The following LNX1 variants were observed in gnomAD, a reference collection of about 807,000 sequenced individuals.
The protein encoded by LNX1 is E3 ubiquitin-protein ligase LNX.
A neutral mutation model predicts 68.4 loss-of-function variants in LNX1; 54 were observed. The observed-to-expected ratio is 0.79, with a 90% CI of 0.63 to 0.99. LNX1 has a LOEUF of 0.99. Ranked by LOEUF, LNX1 falls within the 50% of genes least tolerant of loss-of-function variation. The pLI, the probability that LNX1 is intolerant of heterozygous loss-of-function variation, is 0.00. For missense variants in LNX1, 906 were observed against 926.4 expected, an observed-to-expected ratio of 0.98 and a Z score of 0.29; for synonymous variants, 336 against 350.0, an observed-to-expected ratio of 0.96 and a Z score of 0.45.
upstream of LNX1, among the ~76,000 whole-genome samples, chr4:53,595,206 G>A (rs528464569): frequency 1.3e-5 from 2 of 152,288 alleles, no homozygotes; most frequent in Admixed American, 6.5e-5. Context: ...GAACAGGAAT[G>A]ATCATAGCAG....
intron 1 of LNX1, among the ~76,000 whole-genome samples, chr4:53,646,691 A>T (rs745456503): frequency 6.6e-6 from 1 of 152,260 alleles, no homozygotes; most frequent in Non-Finnish European, 1.5e-5. Flanking sequence ...TAAAAACACT[A>T]TGCTGGCCAG....
At chr4:53,589,708 C>T (rs1732389380) in intron 1 of LNX1, among the ~76,000 whole-genome samples, 1 of 152,202 alleles carries the variant, frequency 6.6e-6, no homozygotes, top group Non-Finnish European at 1.5e-5. Context: ...TTCCATCAGG[C>T]CTATGTCCAC....
chr4:53,635,749 C>T (rs946601998), intron 1 of LNX1, among the ~76,000 whole-genome samples: 4 of 152,106 alleles, frequency 2.6e-5, no homozygotes, highest in Non-Finnish European at 5.9e-5. Context: ...CCTATAATCT[C>T]GGCACTCCCA....
intron 2 of LNX1, chr4:53,603,945 G>A (rs1733124757): frequency 6.6e-6 from 1 of 152,174 alleles, no homozygotes; most frequent in Non-Finnish European, 1.5e-5. Context: ...AATATTTTAT[G>A]CTATACCAAT....
intron 9 of LNX1, among the ~76,000 whole-genome samples, chr4:53,466,702 G>A (rs777517173): frequency 6.6e-6 from 1 of 152,234 alleles, no homozygotes; most frequent in Non-Finnish European, 1.5e-5. Flanking sequence ...CCCGCACCTG[G>A]CTCGGAGGGT....
At chr4:53,556,365 T>G (rs954070430) in intron 2 of LNX1, among the ~76,000 whole-genome samples, 1 of 152,210 alleles carries the variant, frequency 6.6e-6, no homozygotes, top group African/African-American at 2.4e-5. Context: ...GATTCCAAGC[T>G]TCTGGATGCC....
chr4:53,592,686 T>G (rs1201045646), upstream of LNX1, among the ~76,000 whole-genome samples: 2 of 152,204 alleles, frequency 1.3e-5, no homozygotes, highest in Non-Finnish European at 2.9e-5. Flanking sequence ...ATTTTGGGAA[T>G]GCTTTTGTTC....
chr4:53,583,848 T>G (rs561604588), intron 1 of LNX1, among the ~76,000 whole-genome samples: 1 of 152,262 alleles, frequency 6.6e-6, no homozygotes, highest in African/African-American at 2.4e-5. Context: ...CATACTTGGG[T>G]TTGTTTGTAA....
chr4:53,614,139 C>T (rs1474395186), intron 2 of LNX1, among the ~76,000 whole-genome samples: 1 of 152,042 alleles, frequency 6.6e-6, no homozygotes, highest in Non-Finnish European at 1.5e-5. Flanking sequence ...CTGTTCATGT[C>T]CTTTGCTCAC....
At chr4:53,530,159 C>T (rs1462531302) in intron 2 of LNX1, among the ~76,000 whole-genome samples, 1 of 152,122 alleles carries the variant, frequency 6.6e-6, no homozygotes, top group East Asian at 1.9e-4. Context: ...TGTGTTAGAG[C>T]AATTTGGTTA....
intron 6 of LNX1, among the ~76,000 whole-genome samples, chr4:53,484,827 A>C (rs914376012): frequency 2.0e-5 from 3 of 152,164 alleles, no homozygotes; most frequent in African/African-American, 7.2e-5. Flanking sequence ...CATTTCACAA[A>C]AACTAGAAAA....
At chr4:53,548,904 C>T (rs925382800) in intron 2 of LNX1, among the ~76,000 whole-genome samples, 19 of 152,144 alleles carry the variant, frequency 1.2e-4, no homozygotes, top group African/African-American at 3.9e-4. Context: ...GGCTACTATC[C>T]TTAGCAAACT....
At chr4:53,526,773 C>A (rs1435926413) in intron 2 of LNX1, among the ~76,000 whole-genome samples, 1 of 151,838 alleles carries the variant, frequency 6.6e-6, no homozygotes, top group African/African-American at 2.4e-5. Flanking sequence ...ACTTTTGTAA[C>A]CTCTGGAACT....
chr4:53,590,865 A>C (rs1732466336), intron 1 of LNX1, among the ~76,000 whole-genome samples: 1 of 152,240 alleles, frequency 6.6e-6, no homozygotes, highest in Admixed American at 6.5e-5. Context: ...ACTGGAACGC[A>C]CAGCTTCTGA....
intron 8 of LNX1, among the ~76,000 whole-genome samples, chr4:53,477,525 G>A (rs1723643138): frequency 6.6e-6 from 1 of 152,154 alleles, no homozygotes; most frequent in Admixed American, 6.5e-5. Context: ...TATTGGTTAA[G>A]CGCCTACTAT....
At chr4:53,497,171 C>T (rs1725127521) in intron 5 of LNX1, among the ~76,000 whole-genome samples, 3 of 152,194 alleles carry the variant, frequency 2.0e-5, no homozygotes, top group African/African-American at 7.2e-5. Flanking sequence ...ATTTGTGCCT[C>T]ACTAATGATG....
intron 6 of LNX1, among the ~76,000 whole-genome samples, chr4:53,489,366 CAA>C (rs1724532570): frequency 6.6e-6 from 1 of 152,088 alleles, no homozygotes; most frequent in African/African-American, 2.4e-5. Flanking sequence ...TCTTTAGATG[CAA>C]AGACATTAAT....
At chr4:53,598,750 G>T (rs545858670) in intron 2 of LNX1, among the ~76,000 whole-genome samples, 58 of 152,276 alleles carry the variant, frequency 3.8e-4, no homozygotes, top group African/African-American at 1.4e-3. Context: ...TCATCTCTTC[G>T]TTTTCTTGAG....
chr4:53,577,576 A>G (rs201062570), intron 1 of LNX1, among the ~76,000 whole-genome samples: 2 of 152,082 alleles, frequency 1.3e-5, no homozygotes, highest in Non-Finnish European at 1.5e-5. Context: ...CAGCTCTGCC[A>G]TTACTATTAT....
Sources: gnomAD v4.1 joint callset for allele counts (sites outside exome capture counted in the v4.1 genomes callset) on GRCh38, gnomAD v4.1.1 for gene constraint, MANE v1.5 for transcripts, NCBI Gene and HGNC (gene_info 2026-07-23, HGNC 2026-07-21) for gene names.